Variants in KCTD16 observed in about 807,000 individuals in gnomAD.
KCTD16 encodes the protein potassium channel tetramerization domain containing 16.
Under a neutral mutation model 33.2 loss-of-function variants are expected in KCTD16, and 13 were observed. The observed-to-expected ratio is 0.39, with a 90% CI of 0.25 to 0.62. The LOEUF (loss-of-function observed/expected upper bound fraction) is 0.62, where lower values mean the gene tolerates loss of function less well. KCTD16 is among the 20% of genes least tolerant of loss of function. The pLI is 0.50. For missense variants in KCTD16, 441 were observed against 525.1 expected (o/e 0.84, Z 1.57); for synonymous variants, 197 against 195.3 (o/e 1.01, Z -0.07).
At chr5:144,290,537 TA>T (rs1485385859) in intron 3 of KCTD16, among the ~76,000 whole-genome samples, 1 of 152,208 alleles carries the variant, frequency 6.6e-6, no homozygotes, top group Admixed American at 6.5e-5. Context: ...ACAAGAAAAG[TA>T]AAAGTCCCTG....
At chr5:144,358,048 A>G (rs951001126) in intron 3 of KCTD16, among the ~76,000 whole-genome samples, 24 of 150,068 alleles carry the variant, frequency 1.6e-4, no homozygotes, top group African/African-American at 5.9e-4. Flanking sequence ...CTCAGCCTCT[A>G]GAGTAGCTGG....
intron 3 of KCTD16, among the ~76,000 whole-genome samples, chr5:144,302,490 A>G (rs1312175216): frequency 6.6e-6 from 1 of 152,220 alleles, no homozygotes; most frequent in East Asian, 1.9e-4. Flanking sequence ...GAAGAACTAC[A>G]GACTTCAAGT....
intron 3 of KCTD16, among the ~76,000 whole-genome samples, chr5:144,215,395 G>T (rs1753533167): frequency 6.6e-6 from 1 of 152,184 alleles, no homozygotes; most frequent in South Asian, 2.1e-4. Context: ...GACCGACAAG[G>T]TTGCCTTCTT....
chr5:144,406,357 A>AT (rs1752809213), intron 3 of KCTD16, among the ~76,000 whole-genome samples: 1 of 152,258 alleles, frequency 6.6e-6, no homozygotes, highest in Non-Finnish European at 1.5e-5. Flanking sequence ...GTTTGTTACA[A>AT]TTTAACACAA....
chr5:144,397,305 T>C (rs1257983542), intron 3 of KCTD16, among the ~76,000 whole-genome samples: 1 of 152,178 alleles, frequency 6.6e-6, no homozygotes, highest in Admixed American at 6.6e-5. Context: ...TGCCACATTT[T>C]CTTAATCCAG....
intron 3 of KCTD16, among the ~76,000 whole-genome samples, chr5:144,456,727 C>A (rs1224678696): frequency 6.6e-6 from 1 of 150,726 alleles, no homozygotes; most frequent in African/African-American, 2.4e-5. Context: ...CATTTTGACA[C>A]ACTATCTTTG....
At chr5:144,472,407 C>T (rs943549016) in intron 3 of KCTD16, among the ~76,000 whole-genome samples, 11 of 152,276 alleles carry the variant, frequency 7.2e-5, no homozygotes, top group African/African-American at 2.2e-4. Flanking sequence ...TCCTGGTTCA[C>T]GGAGCCACTG....
At chr5:144,302,540 C>G (rs1751470927) in intron 3 of KCTD16, among the ~76,000 whole-genome samples, 1 of 152,174 alleles carries the variant, frequency 6.6e-6, no homozygotes, top group East Asian at 1.9e-4. Flanking sequence ...TCATCCCTGG[C>G]TATATCTAGA....
At chr5:144,299,094 A>T (rs57464969) in intron 3 of KCTD16, among the ~76,000 whole-genome samples, 2,368 of 16,566 alleles carry the variant, frequency 0.14, 440 homozygotes, top group African/African-American at 0.4. Context: ...ATATATCACT[A>T]TGTATATATA....
chr5:144,331,300 C>T (rs1752352885), intron 3 of KCTD16, among the ~76,000 whole-genome samples: 1 of 152,176 alleles, frequency 6.6e-6, no homozygotes, highest in South Asian at 2.1e-4. Context: ...GTATGATAAT[C>T]AGACCTCAAG....
chr5:144,370,607 G>A (rs559788872), intron 3 of KCTD16, among the ~76,000 whole-genome samples: 3 of 152,234 alleles, frequency 2.0e-5, no homozygotes, highest in African/African-American at 7.2e-5. Context: ...GATAACTAAT[G>A]CCAAGGCACA....
chr5:144,246,598 C>T (rs115283854), intron 3 of KCTD16, among the ~76,000 whole-genome samples: 1 of 151,502 alleles, frequency 6.6e-6, no homozygotes, highest in African/African-American at 2.4e-5. Flanking sequence ...TATTGTGTAC[C>T]CTATCTCCAT....
chr5:144,445,377 G>A (rs1753798034), intron 3 of KCTD16, among the ~76,000 whole-genome samples: 1 of 151,942 alleles, frequency 6.6e-6, no homozygotes, highest in Non-Finnish European at 1.5e-5. Flanking sequence ...TGGAACAGTG[G>A]ACTGCAATTC....
chr5:144,344,240 T>G (rs1237563709), intron 3 of KCTD16, among the ~76,000 whole-genome samples: 2 of 152,140 alleles, frequency 1.3e-5, no homozygotes, highest in African/African-American at 4.8e-5. Flanking sequence ...ACGTTATACC[T>G]AAAACCGTAA....
intron 3 of KCTD16, among the ~76,000 whole-genome samples, chr5:144,315,582 G>A (rs1338303522): frequency 1.3e-5 from 2 of 152,092 alleles, no homozygotes; most frequent in African/African-American, 4.8e-5. Flanking sequence ...TATGTGCCAA[G>A]CAAAGCTTTT....
intron 3 of KCTD16, among the ~76,000 whole-genome samples, chr5:144,380,294 G>T (rs1195481274): frequency 6.6e-6 from 1 of 151,986 alleles, no homozygotes; most frequent in Non-Finnish European, 1.5e-5. Flanking sequence ...GGAGGTAAAT[G>T]ATATTTACAA....
chr5:144,333,991 A>G (rs1361558852), intron 3 of KCTD16, among the ~76,000 whole-genome samples: 1 of 152,176 alleles, frequency 6.6e-6, no homozygotes, highest in Non-Finnish European at 1.5e-5. Flanking sequence ...TCTTGACTTA[A>G]AGTTTCCCAA....
chr5:144,289,789 A>G (rs186427668), intron 3 of KCTD16, among the ~76,000 whole-genome samples: 5 of 152,268 alleles, frequency 3.3e-5, no homozygotes, highest in Admixed American at 2.0e-4. Context: ...ATGATTACAC[A>G]TTAAGGTATC....
At chr5:144,213,084 A>C (rs576682121) in intron 3 of KCTD16, among the ~76,000 whole-genome samples, 1 of 152,138 alleles carries the variant, frequency 6.6e-6, no homozygotes, top group African/African-American at 2.4e-5. Flanking sequence ...CCATTATAAC[A>C]TACAAAATTA....
Sources: gnomAD v4.1 joint callset for allele counts (sites outside exome capture counted in the v4.1 genomes callset) on GRCh38, gnomAD v4.1.1 for gene constraint, MANE v1.5 for transcripts, NCBI Gene and HGNC (gene_info 2026-07-23, HGNC 2026-07-21) for gene names.